Variants in CCR7 observed in about 807,000 individuals in gnomAD.
The protein encoded by CCR7 is C-C chemokine receptor type 7.
In CCR7, 11 loss-of-function variants were observed where a neutral mutation model predicts 26.0. The ratio of observed to expected loss-of-function variants is 0.42; its 90% CI spans 0.27 to 0.70. CCR7 has a LOEUF of 0.70. Among genes scored for constraint, CCR7 ranks in the 30% least tolerant of loss-of-function variants. The pLI, the probability that CCR7 is intolerant of heterozygous loss-of-function variation, is 0.23. For synonymous variants in CCR7, 189 were observed against 202.1 expected, an observed-to-expected ratio of 0.94 and a Z score of 0.55; for missense variants, 360 against 504.0, an observed-to-expected ratio of 0.71 and a Z score of 2.74.
intron 1 of CCR7, among the ~76,000 whole-genome samples, chr17:40,561,567 C>A (rs555851604): frequency 6.6e-6 from 1 of 152,234 alleles, no homozygotes; most frequent in South Asian, 2.1e-4. Context: ...CATGAAAATT[C>A]CCTAGAACTC....
intron 2 of CCR7, 30 bp downstream of exon 2, chr17:40,558,863 A>G: frequency 6.2e-7 from 1 of 1,607,018 alleles, no homozygotes; most frequent in Non-Finnish European, 8.5e-7. Flanking sequence ...TGGAGAAGGG[A>G]ACAGAGCTTT....
chr17:40,555,171 C>T lies in CCR7; in HGVS notation c.708G>A (p.Leu236=). 1.9e-6 allele frequency: 3 copies of T among 1,614,164 alleles called. No homozygotes were observed. The highest frequency in any genetic ancestry group is 2.5e-6 in the Non-Finnish European group (3 of 1,180,026). ...AQMVIGFLVP[L]LAMSFCYLVI... ...CAAGGTAACAGAAGCTCATGGCCAG[C>T]AGGGGGACCAGAAAGCCGATCACCA... is the stretch of plus-strand genomic sequence containing the variant. The change falls in exon 3 of 3, where the codon CTG becomes CTA. Residue 236 remains leucine, a synonymous_variant. Transcript: ENST00000246657. This position sits in a 1 kb window ranked among gnomAD's most constrained non-coding sequence, Gnocchi z 5.6.
At chr17:40,556,257 G>A (rs2036586475) in intron 2 of CCR7, among the ~76,000 whole-genome samples, 1 of 152,184 alleles carries the variant, frequency 6.6e-6, no homozygotes, top group Admixed American at 6.5e-5. Flanking sequence ...CTAGGAATCT[G>A]TGTTTTCCTA....
intron 1 of CCR7, among the ~76,000 whole-genome samples, chr17:40,563,287 C>G (rs2036673188): frequency 6.6e-6 from 1 of 152,178 alleles, no homozygotes; most frequent in African/African-American, 2.4e-5. Context: ...CCTCCCCAGC[C>G]AAGTTTCTGG....
intron 2 of CCR7, 51 bp downstream of exon 2, chr17:40,558,842 G>A: frequency 6.5e-7 from 1 of 1,532,446 alleles, no homozygotes; most frequent in South Asian, 1.1e-5. Flanking sequence ...CCCCTGACTT[G>A]GGAGGCCGTG....
chr17:40,560,825 C>G (rs2036647258), intron 1 of CCR7: 1 of 152,242 alleles, frequency 6.6e-6, no homozygotes, highest in Non-Finnish European at 1.5e-5. Context: ...GCTGTCCCCT[C>G]GTTCCCAGCC....
At chr17:40,557,932 T>G (rs1490000614) in intron 2 of CCR7, among the ~76,000 whole-genome samples, 1 of 152,054 alleles carries the variant, frequency 6.6e-6, no homozygotes, top group Admixed American at 6.5e-5. Flanking sequence ...CCCAGAGTCC[T>G]GGAGACAGGG....
In CCR7 at chr17:40,555,378, G is replaced by A. The variant is rs779274551; in HGVS notation, c.501C>T (p.His167=). 1 of 1,614,128 alleles carries A rather than the reference G, an allele frequency of 6.2e-7. No homozygotes were observed. The highest frequency in any genetic ancestry group is 8.5e-7 in the Non-Finnish European group (1 of 1,180,036). Residue 167 remains histidine, a synonymous_variant, in exon 3 of 3, where the codon CAC becomes CAT. Coordinates refer to ENST00000246657, the MANE Select transcript of CCR7 (RefSeq NM_001838.4). The surrounding 1 kb of genome is among the most constrained non-coding windows in gnomAD (Gnocchi z 5.6). ...TGCTGATGAGAAGGACGCGGGCACG[G>A]TGGCGGTGAGCTGAGACAGCCTGGA... ...AIVQAVSAHR[H]RARVLLISKL...
chr17:40,564,908 C>A (rs570752385), intron 1 of CCR7, among the ~76,000 whole-genome samples: 1 of 152,226 alleles, frequency 6.6e-6, no homozygotes, highest in Non-Finnish European at 1.5e-5. Context: ...GTTTCATTTG[C>A]ATCTCCTCAT....
At position 40,565,461 on chromosome 17, in the gene CCR7, C is replaced by G. The variant is rs1224118833; in HGVS notation, c.-52G>C. 1 of 1,595,394 alleles carries G rather than the reference C, an allele frequency of 6.3e-7. No individual in the cohort carries two copies. The highest frequency in any genetic ancestry group is 8.6e-7 in the Non-Finnish European group (1 of 1,163,082). On this transcript the variant is annotated 5_prime_UTR_variant, in exon 1 of 3. Transcript: ENST00000246657. ...CAGGAAGGCTGTGCCCGGCCTCGCA[C>G]TACCCCTGTCTGGGGAGGAAGTGGT... is the stretch of plus-strand genomic sequence containing the variant.
At chr17:40,563,376 T>C (rs1247348341) in intron 1 of CCR7, among the ~76,000 whole-genome samples, 2 of 152,128 alleles carry the variant, frequency 1.3e-5, no homozygotes, top group African/African-American at 4.8e-5. Flanking sequence ...GGCACACATC[T>C]CTCATGGGTT....
rs538241523 is a variant in CCR7, at chr17:40,554,069, G to A, written c.*673C>T. 6.6e-6 allele frequency: 1 copy of A among 152,230 alleles called. No individual in the cohort carries two copies. The highest frequency in any genetic ancestry group is 2.4e-5 in the African/African-American group (1 of 41,412). 9.4% of individuals were successfully genotyped at this position (152,230 alleles called of 1,614,324 possible). A position where few individuals can be genotyped will look rare whatever the true frequency, so the allele number is the denominator to read the frequency against. On this transcript the variant is annotated 3_prime_UTR_variant, in exon 3 of 3. Coordinates refer to ENST00000246657, the MANE Select transcript of CCR7 (RefSeq NM_001838.4). ...GCCCAGAGTGTGGCTTTGATCACGC[G>A]GAGGCAGCTGGCCTGGCCTGCAGGA...
rs1422231823 is a variant in CCR7 at position 40,565,388 on chromosome 17, AG to A, written c.10+11del. The stretch of plus-strand genomic sequence containing the variant: ...TGGTACTGTTCCTTCTCACATGAAG[AG>A]GCTCACTCACCCAGGTCCATGACGC... On this transcript the variant is annotated intron_variant, in intron 1 of 2. Transcript: ENST00000246657. The A allele has an allele frequency of 3.1e-6, 5 of 1,611,788 alleles. No individual in the cohort carries two copies. Among genetic ancestry groups the A allele is most frequent in the Non-Finnish European group, 4.2e-6 (5 of 1,178,008 alleles).
At chr17:40,562,014 C>T (rs948989822) in intron 1 of CCR7, among the ~76,000 whole-genome samples, 7 of 152,170 alleles carry the variant, frequency 4.6e-5, no homozygotes, top group Admixed American at 3.3e-4. Context: ...TCATTTCATC[C>T]TCTCAAAAGC....
Position 40,555,256 on chromosome 17 carries a change from A to T in CCR7, c.623T>A (p.Met208Lys). ...DLQRSSSEQA[M>K]RCSLITEHVE... Reference sequence around the variant, plus strand: ...ATGCTCTGTGATGAGAGAGCATCGCATCGCTTGCTCACTGCTGCTCCTCTG... The same window carrying T: ...ATGCTCTGTGATGAGAGAGCATCGCTTCGCTTGCTCACTGCTGCTCCTCTG... Residue 208 changes from methionine (M) to lysine (K), a missense_variant, in exon 3 of 3, where the codon ATG becomes AAG. Physicochemically the swap from Met to Lys is moderately conservative, Grantham distance 95. Coordinates refer to ENST00000246657, the MANE Select transcript of CCR7 (RefSeq NM_001838.4). The surrounding 1 kb of genome is among the most constrained non-coding windows in gnomAD (Gnocchi z 5.6). The T allele has an allele frequency of 6.2e-7, 1 of 1,614,200 alleles. No homozygotes were observed. Among genetic ancestry groups the T allele is most frequent in the Non-Finnish European group, 8.5e-7 (1 of 1,180,022 alleles).
intron 2 of CCR7, among the ~76,000 whole-genome samples, chr17:40,558,110 G>A (rs938281602): frequency 4.6e-5 from 7 of 152,224 alleles, no homozygotes; most frequent in African/African-American, 1.4e-4. Flanking sequence ...CTGGGGATGA[G>A]CCGAATTCTG....
chr17:40,562,619 A>C (rs1471398551), intron 1 of CCR7, among the ~76,000 whole-genome samples: 1 of 152,112 alleles, frequency 6.6e-6, no homozygotes, highest in Non-Finnish European at 1.5e-5. Context: ...ATGGGTCCCC[A>C]TTGTTTTCAG....
At chr17:40,564,556 T>C (rs2036687844) in intron 1 of CCR7, among the ~76,000 whole-genome samples, 1 of 152,190 alleles carries the variant, frequency 6.6e-6, no homozygotes, top group South Asian at 2.1e-4. Flanking sequence ...CTGAGATTTA[T>C]AAAGGGGGCG....
intron 1 of CCR7, 39 bp from the exon 2 acceptor site, chr17:40,558,981 G>T (rs371359979): frequency 5.1e-6 from 8 of 1,563,436 alleles, no homozygotes; most frequent in Non-Finnish European, 6.1e-6. Context: ...GCTTGGCAGG[G>T]ACAAGTCTTT....
Sources: allele counts gnomAD v4.1 joint callset (sites outside exome capture counted in the v4.1 genomes callset), GRCh38; gene constraint gnomAD v4.1.1; non-coding constraint Gnocchi (gnomAD v3.1); transcripts MANE v1.5; gene names NCBI Gene and HGNC (gene_info 2026-07-23, HGNC 2026-07-21).